CASR: variants seen among roughly 807,000 people sequenced by gnomAD.
The protein encoded by CASR is calcium sensing receptor.
In CASR, 23 loss-of-function variants were observed where a neutral mutation model predicts 69.1. That is an observed-to-expected ratio of 0.33 (90% CI 0.24 to 0.47). The LOEUF is 0.47. Ranked by LOEUF, CASR falls within the 20% of genes least tolerant of loss-of-function variation. The pLI, the probability that CASR is intolerant of heterozygous loss-of-function variation, is 1.00. For synonymous variants in CASR, 541 were observed against 544.7 expected (o/e 0.99, Z 0.10); for missense variants, 924 against 1,356.1 (o/e 0.68, Z 5.00).
intron 1 of CASR, among the ~76,000 whole-genome samples, chr3:122,188,682 G>A (rs949768260): frequency 6.6e-5 from 10 of 152,220 alleles, no homozygotes; most frequent in South Asian, 6.2e-4. Context: ...TCACCTATTT[G>A]TCATTGCCTT....
chr3:122,249,534 G>A (rs186264459), intron 1 of CASR, among the ~76,000 whole-genome samples: 6 of 152,268 alleles, frequency 3.9e-5, no homozygotes, highest in East Asian at 3.9e-4. Context: ...CCTCATCTCC[G>A]ATCCTTGGCT....
Position 122,257,062 on chromosome 3 carries a change from C to T in CASR, c.186-19C>T, listed in dbSNP as rs372080345. ...GACTAGAAAGCTTCCCATTTTCTTC[C>T]ACTTCTTCTTTCTTCCAGGTATAAT... On this transcript the variant is annotated intron_variant, in intron 2 of 6. Coordinates refer to ENST00000639785, the MANE Select transcript of CASR (RefSeq NM_000388.4). 33 of 1,611,012 alleles carry T rather than the reference C, an allele frequency of 2.0e-5. No homozygotes were observed. The highest frequency in any genetic ancestry group is 2.6e-5 in the Non-Finnish European group (31 of 1,177,280).
chr3:122,261,908 G>C lies in CASR; in HGVS notation c.873G>C (p.Lys291Asn), dbSNP rs748306088. ...TTGTCCGGCGCAATATCACGGGCAA[G>C]ATCTGGCTGGCCAGCGAGGCCTGGG... ...KEIVRRNITGKIWLASEAWAS... is the reference protein window; with the variant it reads ...KEIVRRNITGNIWLASEAWAS... The change falls in exon 4 of 7, where the codon AAG becomes AAC. Residue 291 changes from lysine (K) to asparagine (N), a missense_variant. Lys to Asn is a moderately conservative substitution (Grantham distance 94). Transcript: ENST00000639785. The C allele has an allele frequency of 1.9e-6, 3 of 1,614,234 alleles. No individual in the cohort carries two copies. Among genetic ancestry groups the C allele is most frequent in the East Asian group, 2.2e-5 (1 of 44,882 alleles).
intron 4 of CASR, among the ~76,000 whole-genome samples, chr3:122,271,987 G>A (rs1418386442): frequency 6.6e-6 from 1 of 151,992 alleles, no homozygotes; most frequent in Non-Finnish European, 1.5e-5. Flanking sequence ...CCCAATTGAT[G>A]AACATTTGGA....
intron 1 of CASR, among the ~76,000 whole-genome samples, chr3:122,190,198 T>G (rs1477982939): frequency 6.6e-6 from 1 of 152,196 alleles, no homozygotes; most frequent in African/African-American, 2.4e-5. Context: ...GATCTGGGTC[T>G]ACTCATCCCA....
intron 1 of CASR, among the ~76,000 whole-genome samples, chr3:122,232,394 A>G (rs2074287006): frequency 6.6e-6 from 1 of 152,160 alleles, no homozygotes; most frequent in African/African-American, 2.4e-5. Flanking sequence ...TGTTTGAGCC[A>G]CTGAAGGATC....
chr3:122,208,912 A>G (rs144869082), intron 1 of CASR, among the ~76,000 whole-genome samples: 155 of 152,330 alleles, frequency 1.0e-3, no homozygotes, highest in African/African-American at 3.3e-3. Flanking sequence ...TGGAGGAAAA[A>G]GATCTTTTGT....
At position 122,289,807 on chromosome 3, in the gene CASR, G is replaced by T. The variant is rs1347520625; in HGVS notation, c.*4616G>T. On this transcript the variant is annotated 3_prime_UTR_variant, in exon 7 of 7. Transcript: ENST00000639785. ...ATCAACAGCTGAGGCCAGATGCAGA[G>T]GCTCATGCCTGCAATCCCAGCACTT... The T allele has an allele frequency of 6.6e-6, 1 of 152,550 alleles. No individual in the cohort carries two copies. The highest frequency in any genetic ancestry group is 1.5e-5 in the Non-Finnish European group (1 of 68,344). The allele number at this position is 152,550 out of a possible 1,614,324, so 9.4% of individuals were successfully genotyped here. A position where few individuals can be genotyped will look rare whatever the true frequency, so the allele number is the denominator to read the frequency against.
At chr3:122,215,025 G>T (rs927828735) in intron 1 of CASR, among the ~76,000 whole-genome samples, 1 of 152,232 alleles carries the variant, frequency 6.6e-6, no homozygotes, top group African/African-American at 2.4e-5. Flanking sequence ...GAAGAAGGAA[G>T]GAGGTAGGTC....
intron 1 of CASR, among the ~76,000 whole-genome samples, chr3:122,208,406 CT>C (rs1010706068): frequency 1.3e-5 from 2 of 151,918 alleles, no homozygotes; most frequent in African/African-American, 4.8e-5. Context: ...AATTAATGAT[CT>C]TTTTTTTCTA....
At chr3:122,283,636 A>G in intron 6 of CASR, 51 bp from the exon 7 acceptor site, 1 of 1,475,188 alleles carries the variant, frequency 6.8e-7, no homozygotes, top group Non-Finnish European at 9.5e-7. Flanking sequence ...ACACTCACAC[A>G]TTTTAGTCTG....
rs746711010 is a variant in CASR, at chr3:122,257,099, T to C, written c.204T>C (p.Phe68=). Residue 68 remains phenylalanine, a synonymous_variant, in exon 3 of 7, where the codon TTT becomes TTC. Transcript: ENST00000639785. ...VECIRYNFRG[F]RWLQAMIFAI... ...CTTCCAGGTATAATTTCCGTGGGTTTCGCTGGTTACAGGCTATGATATTTG... is the reference window on the plus strand; with the variant it reads ...CTTCCAGGTATAATTTCCGTGGGTTCCGCTGGTTACAGGCTATGATATTTG... The C allele has an allele frequency of 1.9e-6, 3 of 1,614,064 alleles. No individual in the cohort carries two copies. The highest frequency in any genetic ancestry group is 2.5e-6 in the Non-Finnish European group (3 of 1,180,022).
At chr3:122,259,731 G>A (rs920958541) in intron 3 of CASR, among the ~76,000 whole-genome samples, 2 of 147,260 alleles carry the variant, frequency 1.4e-5, no homozygotes, top group Non-Finnish European at 3.0e-5. Context: ...CCGGGTTCAC[G>A]CCATTCTCCT....
intron 1 of CASR, among the ~76,000 whole-genome samples, chr3:122,230,126 T>TG (rs2074264964): frequency 6.6e-6 from 1 of 152,348 alleles, no homozygotes; most frequent in Admixed American, 6.5e-5. Flanking sequence ...GAAATGTTTC[T>TG]GGTGTTTCTG....
At chr3:122,220,922 C>T (rs962910579) in intron 1 of CASR, among the ~76,000 whole-genome samples, 32 of 152,202 alleles carry the variant, frequency 2.1e-4, no homozygotes, top group African/African-American at 7.7e-4. Context: ...TGCAATGAGC[C>T]GAGATCGCGC....
rs1393536388 is a variant in CASR, at chr3:122,286,796, C to T, written c.*1605C>T. 6.6e-6 allele frequency: 1 copy of T among 152,256 alleles called. No homozygotes were observed. Among genetic ancestry groups the T allele is most frequent in the Admixed American group, 6.5e-5 (1 of 15,288 alleles). The allele number at this position is 152,256 out of a possible 1,614,324, so 9.4% of individuals were successfully genotyped here. A position where few individuals can be genotyped will look rare whatever the true frequency, so the allele number is the denominator to read the frequency against. On this transcript the variant is annotated 3_prime_UTR_variant, in exon 7 of 7. Transcript: ENST00000639785. Reference sequence around the variant, plus strand: ...CTAGCAGGAGGTTCTAAGCTGAGGCCAAACCATTGCAATTAAATCTCCTGA... The same window carrying T: ...CTAGCAGGAGGTTCTAAGCTGAGGCTAAACCATTGCAATTAAATCTCCTGA...
chr3:122,198,742 C>T (rs978726874), intron 1 of CASR, among the ~76,000 whole-genome samples: 3 of 151,690 alleles, frequency 2.0e-5, no homozygotes, highest in Non-Finnish European at 4.4e-5. Flanking sequence ...ATCTTCCTAA[C>T]ATTTTACTAT....
In CASR at chr3:122,262,069, A is replaced by G. The variant is rs1390562571; in HGVS notation, c.1034A>G (p.Asn345Ser). Residue 345 changes from asparagine to serine, a missense_variant, in exon 4 of 7, where the codon AAT (asparagine) becomes AGT (serine). Coordinates refer to ENST00000639785, the MANE Select transcript of CASR (RefSeq NM_000388.4). ...GTCCATCCCAGGAAGTCTGTCCACA[A>G]TGGTTTTGCCAAGGAGTTTTGGGAA... ...KKVHPRKSVH[N>S]GFAKEFWEET... 2 of 1,614,148 alleles carry G rather than the reference A, an allele frequency of 1.2e-6. No homozygotes were observed. Among genetic ancestry groups the G allele is most frequent in the Admixed American group, 1.7e-5 (1 of 60,026 alleles).
intron 4 of CASR, among the ~76,000 whole-genome samples, chr3:122,272,424 G>A (rs1231276107): frequency 3.4e-5 from 5 of 146,820 alleles, no homozygotes; most frequent in African/African-American, 1.1e-4. Context: ...AACACATCAT[G>A]TTTATTCCTA....
Sources: allele counts gnomAD v4.1 joint callset (sites outside exome capture counted in the v4.1 genomes callset), GRCh38; gene constraint gnomAD v4.1.1; transcripts MANE v1.5; gene names NCBI Gene and HGNC (gene_info 2026-07-23, HGNC 2026-07-21).